SNX29: variants seen among roughly 807,000 people sequenced by gnomAD.
The protein encoded by SNX29 is sorting nexin 29.
SNX29 carries 78 observed loss-of-function variants against 102.1 expected under a neutral mutation model. The observed-to-expected ratio is 0.76, with a 90% CI of 0.64 to 0.92. SNX29 has a LOEUF of 0.92. SNX29 is among the 40% of genes least tolerant of loss of function. The pLI is 0.00. For missense variants in SNX29, 1,280 were observed against 1,061.7 expected, an observed-to-expected ratio of 1.21 and a Z score of -2.86; for synonymous variants, 580 against 414.5, an observed-to-expected ratio of 1.40 and a Z score of -4.85.
At chr16:12,288,066 T>C (rs962826912) in intron 15 of SNX29, among the ~76,000 whole-genome samples, 10 of 152,210 alleles carry the variant, frequency 6.6e-5, no homozygotes, top group African/African-American at 2.2e-4. Flanking sequence ...AGCATGCCTG[T>C]GGTCCCAGCC....
At chr16:12,237,118 G>C (rs2077958677) in intron 14 of SNX29, among the ~76,000 whole-genome samples, 1 of 152,154 alleles carries the variant, frequency 6.6e-6, no homozygotes, top group East Asian at 1.9e-4. Context: ...GTACCTGGGG[G>C]CAGGCAGATG....
chr16:12,343,894 C>T (rs2081692957), intron 15 of SNX29, among the ~76,000 whole-genome samples: 1 of 152,250 alleles, frequency 6.6e-6, no homozygotes, highest in African/African-American at 2.4e-5. Context: ...TTGACCTCTT[C>T]TGTGGTTTAG....
At chr16:12,269,970 C>T (rs1352683108) in intron 14 of SNX29, among the ~76,000 whole-genome samples, 1 of 152,104 alleles carries the variant, frequency 6.6e-6, no homozygotes, top group Admixed American at 6.5e-5. Context: ...AAGCGATTCT[C>T]CTGCCTCAGC....
intron 15 of SNX29, among the ~76,000 whole-genome samples, chr16:12,327,089 G>T (rs1041986286): frequency 1.3e-5 from 2 of 152,122 alleles, no homozygotes; most frequent in African/African-American, 4.8e-5. Flanking sequence ...CTCTTCGTGG[G>T]TCCCTTTATA....
intron 15 of SNX29, among the ~76,000 whole-genome samples, chr16:12,305,165 A>C (rs2080300290): frequency 6.6e-6 from 1 of 152,252 alleles, no homozygotes; most frequent in Non-Finnish European, 1.5e-5. Flanking sequence ...CTGTGCATGC[A>C]GTCTGTGTAT....
At position 12,268,398 on chromosome 16, in the gene SNX29, G is replaced by C. The variant is rs141387212; in HGVS notation, c.1679-9535G>C. Among the ~76,000 whole-genome samples, 776 of 152,354 alleles carry C rather than the reference G, an allele frequency of 5.1e-3. 7 individuals are homozygous for C. The highest frequency in any genetic ancestry group is 0.018 in the African/African-American group (742 of 41,578). ...TCACCCCTGCTAAGCGGTAGAGCCAGACTTTGACTCCCAGGGTCTGTTTCA... is the reference window on the plus strand; with the variant it reads ...TCACCCCTGCTAAGCGGTAGAGCCACACTTTGACTCCCAGGGTCTGTTTCA... On this transcript the variant is annotated intron_variant, in intron 14 of 20. Transcript: ENST00000566228.
At chr16:12,052,835 A>T (rs2050362355) in intron 8 of SNX29, 1 of 153,944 alleles carries the variant, frequency 6.5e-6, no homozygotes, top group Non-Finnish European at 1.4e-5. Flanking sequence ...TGTGCCTGTT[A>T]TTGTTTTTTA....
chr16:12,386,000 A>G lies in SNX29; in HGVS notation c.1900-12446A>G, dbSNP rs1043231786. Among the ~76,000 whole-genome samples the G allele has an allele frequency of 2.5e-4, 38 of 152,216 alleles. 1 individual carries two copies. The highest frequency in any genetic ancestry group is 3.9e-4 in the Admixed American group (6 of 15,288). ...TGTCTGCGAACCCAGCTCAATATGC[A>G]TGGCCTTGTCCCCAGGCAGGGGCGG... On this transcript the variant is annotated intron_variant, in intron 16 of 20. Coordinates refer to ENST00000566228, the MANE Select transcript of SNX29 (RefSeq NM_032167.5).
intron 14 of SNX29, among the ~76,000 whole-genome samples, chr16:12,260,489 A>G (rs1438387993): frequency 6.6e-6 from 1 of 151,726 alleles, no homozygotes; most frequent in Non-Finnish European, 1.5e-5. Context: ...GTTGTTGTCT[A>G]GAAGTCTCTC....
chr16:12,118,804 C>T (rs2053853287), intron 11 of SNX29, among the ~76,000 whole-genome samples: 1 of 152,126 alleles, frequency 6.6e-6, no homozygotes, highest in South Asian at 2.1e-4. Context: ...TGTCTGTGGT[C>T]TCTGATTTAG....
intron 7 of SNX29, among the ~76,000 whole-genome samples, chr16:12,049,639 TAA>T (rs1011621000): frequency 2.6e-5 from 4 of 151,896 alleles, no homozygotes; most frequent in African/African-American, 9.7e-5. Context: ...AGCCTGTTTT[TAA>T]AAAATTTTAA....
At chr16:12,565,484 C>T (rs994256044) in intron 20 of SNX29, among the ~76,000 whole-genome samples, 2 of 152,182 alleles carry the variant, frequency 1.3e-5, no homozygotes, top group Non-Finnish European at 2.9e-5. Flanking sequence ...TCACAGCACC[C>T]CTGCCTCCAA....
chr16:12,256,966 A>C (rs994706031), intron 14 of SNX29, among the ~76,000 whole-genome samples: 1 of 152,182 alleles, frequency 6.6e-6, no homozygotes, highest in Non-Finnish European at 1.5e-5. Flanking sequence ...GTGGCAACAA[A>C]TGGCTGATAA....
intron 3 of SNX29, among the ~76,000 whole-genome samples, chr16:12,007,682 C>A (rs1053059866): frequency 6.6e-5 from 10 of 152,160 alleles, no homozygotes; most frequent in Admixed American, 5.9e-4. Flanking sequence ...CTCTCCTGGC[C>A]CGCGGTCCCC....
chr16:12,511,933 G>A (rs529642074), intron 19 of SNX29, among the ~76,000 whole-genome samples: 4 of 152,084 alleles, frequency 2.6e-5, no homozygotes, highest in South Asian at 2.1e-4. Flanking sequence ...GGAAGTGGTC[G>A]GGCCGCATAG....
intron 11 of SNX29, among the ~76,000 whole-genome samples, chr16:12,123,573 G>A (rs1187520883): frequency 3.3e-5 from 5 of 152,090 alleles, no homozygotes; most frequent in South Asian, 2.1e-4. Context: ...ATATTCAGCC[G>A]TAAAAAGAGA....
chr16:12,491,171 T>A lies in SNX29; in HGVS notation c.2178+13312T>A, dbSNP rs1344310402. Among the ~76,000 whole-genome samples, 4 of 152,266 alleles carry A rather than the reference T, an allele frequency of 2.6e-5. No individual in the cohort carries two copies. The East Asian group carries it at 7.7e-4, about 29-fold the overall frequency. On this transcript the variant is annotated intron_variant, in intron 19 of 20. Coordinates refer to ENST00000566228, the MANE Select transcript of SNX29 (RefSeq NM_032167.5). Reference sequence around the variant, plus strand: ...GTGTTGCATTTATGTACTCTCTCTTTGATGAACATTTAGGTCGTTTGCAAT... The same window carrying A: ...GTGTTGCATTTATGTACTCTCTCTTAGATGAACATTTAGGTCGTTTGCAAT...
Position 12,182,223 on chromosome 16 carries a change from G to A in SNX29, c.1596-17378G>A, listed in dbSNP as rs373068836. Among the ~76,000 whole-genome samples the A allele has an allele frequency of 5.7e-5, 8 of 141,454 alleles. No homozygotes were observed. In the South Asian group the frequency reaches 1.4e-3, roughly 24 times the overall value. The allele number at this position is 141,454 out of a possible 152,430, so 92.8% of individuals were successfully genotyped here. ...TTTTTTTTTTTTTAATGGGGATTTT[G>A]AGAGATTAAAAAATTATTCTGCTGT... On this transcript the variant is annotated intron_variant, in intron 13 of 20. Transcript: ENST00000566228.
At chr16:12,018,838 G>A (rs376055941) in intron 3 of SNX29, among the ~76,000 whole-genome samples, 104 of 150,890 alleles carry the variant, frequency 6.9e-4, no homozygotes, top group East Asian at 3.5e-3. Context: ...TTCTCCTGCC[G>A]ATGCCTCCGT....
Sources: allele counts gnomAD v4.1 joint callset (sites outside exome capture counted in the v4.1 genomes callset), GRCh38; gene constraint gnomAD v4.1.1; transcripts MANE v1.5; gene names NCBI Gene and HGNC (gene_info 2026-07-23, HGNC 2026-07-21).